Variants in ELAPOR2 observed in about 807,000 individuals in gnomAD.
ELAPOR2 encodes endosome/lysosome-associated apoptosis and autophagy regulator family member 2.
A neutral mutation model predicts 120.7 loss-of-function variants in ELAPOR2; 89 were observed. That is an observed-to-expected ratio of 0.74 (90% CI 0.62 to 0.88). The LOEUF (loss-of-function observed/expected upper bound fraction) is 0.88. Among genes scored for constraint, ELAPOR2 ranks in the 40% least tolerant of loss-of-function variants. The probability of loss-of-function intolerance (pLI) is 0.00; values close to 1 mark genes in which losing one functional copy is unlikely to be tolerated. For synonymous variants in ELAPOR2, 444 were observed against 444.9 expected, an observed-to-expected ratio of 1.00 and a Z score of 0.03; for missense variants, 1,134 against 1,251.6, an observed-to-expected ratio of 0.91 and a Z score of 1.42.
intron 1 of ELAPOR2, among the ~76,000 whole-genome samples, chr7:87,040,080 C>T (rs1437548293): frequency 7.9e-5 from 12 of 152,366 alleles, no homozygotes; most frequent in African/African-American, 2.6e-4. Context: ...AAACACGGCG[C>T]ACCACAAGAT....
chr7:86,959,356 T>A (rs992732185), intron 2 of ELAPOR2, among the ~76,000 whole-genome samples: 1 of 152,208 alleles, frequency 6.6e-6, no homozygotes, highest in Non-Finnish European at 1.5e-5. Flanking sequence ...TTCAGTATTA[T>A]GTTGAATAGA....
In ELAPOR2 at chr7:86,877,595, C is replaced by T. The variant is rs1184700810; in HGVS notation, c.*2876G>A. ...AGAGAGAAATTATGTACACATTAGC[C>T]TCCCATTAGAAATAACCATGTGCCA... is the stretch of plus-strand genomic sequence containing the variant. On this transcript the variant is annotated 3_prime_UTR_variant, in exon 22 of 22. Coordinates refer to ENST00000450689, the MANE Select transcript of ELAPOR2 (RefSeq NM_001142749.3). The T allele has an allele frequency of 6.6e-6, 1 of 152,032 alleles. No homozygotes were observed. The highest frequency in any genetic ancestry group is 1.5e-5 in the Non-Finnish European group (1 of 67,998). 9.4% of individuals were successfully genotyped at this position (152,032 alleles called of 1,614,324 possible).
At chr7:87,011,696 G>C (rs982747554) in intron 1 of ELAPOR2, among the ~76,000 whole-genome samples, 1 of 152,060 alleles carries the variant, frequency 6.6e-6, no homozygotes, top group East Asian at 1.9e-4. Context: ...GAAATGTGTT[G>C]GTGGGTCACT....
chr7:86,945,245 T>G (rs1012764704), intron 3 of ELAPOR2, among the ~76,000 whole-genome samples, 199 bp from the exon 4 acceptor site: 1 of 152,222 alleles, frequency 6.6e-6, no homozygotes, highest in African/African-American at 2.4e-5. Context: ...CGTAAATCTT[T>G]TTAAGGTTAT....
chr7:86,942,838 T>C (rs1305149852), intron 4 of ELAPOR2, among the ~76,000 whole-genome samples: 1 of 151,888 alleles, frequency 6.6e-6, no homozygotes, highest in Non-Finnish European at 1.5e-5. Flanking sequence ...CAGAGTAGAG[T>C]TAAAATAAGA....
At chr7:87,033,436 A>C (rs909928728) in intron 1 of ELAPOR2, among the ~76,000 whole-genome samples, 1 of 152,196 alleles carries the variant, frequency 6.6e-6, no homozygotes, top group African/African-American at 2.4e-5. Flanking sequence ...TCAACATATC[A>C]GGGAAAAATC....
At chr7:86,907,079 T>C (rs1789056915) in intron 18 of ELAPOR2, among the ~76,000 whole-genome samples, 2 of 152,146 alleles carry the variant, frequency 1.3e-5, no homozygotes, top group Non-Finnish European at 2.9e-5. Flanking sequence ...ATTATTCAGA[T>C]CTTCACTATA....
chr7:86,883,110 A>T (rs1042531076), intron 21 of ELAPOR2, among the ~76,000 whole-genome samples: 1 of 151,890 alleles, frequency 6.6e-6, no homozygotes, highest in Non-Finnish European at 1.5e-5. Context: ...CTGAGTTGAG[A>T]AATTGTGTCT....
At chr7:87,013,333 G>T (rs1793757835) in intron 1 of ELAPOR2, among the ~76,000 whole-genome samples, 1 of 151,770 alleles carries the variant, frequency 6.6e-6, no homozygotes, top group Admixed American at 6.6e-5. Context: ...AAATCAGAAG[G>T]GAAAATACTG....
intron 2 of ELAPOR2, among the ~76,000 whole-genome samples, chr7:86,949,923 C>G (rs1471578799): frequency 2.6e-5 from 4 of 152,232 alleles, no homozygotes; most frequent in Admixed American, 6.5e-5. Context: ...TCCCACAAAG[C>G]CCCACCTTCA....
chr7:87,003,669 T>C (rs142703134), intron 1 of ELAPOR2, among the ~76,000 whole-genome samples: 146 of 152,244 alleles, frequency 9.6e-4, no homozygotes, highest in African/African-American at 3.4e-3. Flanking sequence ...AGGTAGGTCT[T>C]TATAACAATG....
intron 1 of ELAPOR2, among the ~76,000 whole-genome samples, chr7:86,996,508 T>C (rs1255714168): frequency 6.6e-6 from 1 of 152,070 alleles, no homozygotes; most frequent in Non-Finnish European, 1.5e-5. Flanking sequence ...AAATGAGAAG[T>C]GGAGAGGCCA....
chr7:87,057,352 G>C (rs981042707), intron 1 of ELAPOR2, among the ~76,000 whole-genome samples: 12 of 152,170 alleles, frequency 7.9e-5, no homozygotes, highest in African/African-American at 2.7e-4. Flanking sequence ...ATATCAAACA[G>C]ATTCAACCCC....
At position 86,899,631 on chromosome 7, in the gene ELAPOR2, T is replaced by TA. The variant is rs1008619940; in HGVS notation, c.2559-2000dup. 8.0e-5 allele frequency among the ~76,000 whole-genome samples: 12 copies of TA among 149,608 alleles called. No individual in the cohort carries two copies. The South Asian group carries it at 8.4e-4, about 10-fold the overall frequency. ...CTAAGACACCCTAAGATATGAACAC[T>TA]AAAAAAAAAATCTACATGTCTAAAA... On this transcript the variant is annotated intron_variant, in intron 18 of 21. Coordinates refer to ENST00000450689, the MANE Select transcript of ELAPOR2 (RefSeq NM_001142749.3).
Position 86,881,652 on chromosome 7 carries a change from G to A in ELAPOR2, c.3031-1122C>T, listed in dbSNP as rs139196956. Among the ~76,000 whole-genome samples, 113 of 152,056 alleles carry A rather than the reference G, an allele frequency of 7.4e-4. 1 individual carries two copies. Among genetic ancestry groups the A allele is most frequent in the African/African-American group, 2.4e-3 (98 of 41,468 alleles). ...ATTACAGGCATGAGCCACTGCGCCC[G>A]ACCACCTAATTTTTATATTTCTTTG... On this transcript the variant is annotated intron_variant, in intron 21 of 21. Transcript: ENST00000450689.
In ELAPOR2 at chr7:86,965,048, C is replaced by G. The variant is rs527356236; in HGVS notation, c.190-24G>C. 3.7e-5 allele frequency: 58 copies of G among 1,551,256 alleles called. 1 individual carries two copies. Among genetic ancestry groups the G allele is most frequent in the Non-Finnish European group, 4.4e-5 (51 of 1,146,640 alleles). On this transcript the variant is annotated intron_variant, in intron 1 of 21. Coordinates refer to ENST00000450689, the MANE Select transcript of ELAPOR2 (RefSeq NM_001142749.3). ...TTCTGCAAACAATCACAAAAACAAG[C>G]CTTTGTTAGAGCCAGTTCTAACGGG...
intron 18 of ELAPOR2, among the ~76,000 whole-genome samples, chr7:86,900,047 C>A (rs1181640448): frequency 6.6e-6 from 1 of 152,018 alleles, no homozygotes; most frequent in East Asian, 1.9e-4. Flanking sequence ...TCCAAGAATA[C>A]AATTTCCTGA....
chr7:87,029,892 A>G (rs1041342742), intron 1 of ELAPOR2, among the ~76,000 whole-genome samples: 4 of 152,138 alleles, frequency 2.6e-5, no homozygotes, highest in Middle Eastern at 3.2e-3. Context: ...ACATTACAGT[A>G]TAAGAAAGCA....
chr7:86,938,754 C>A, intron 7 of ELAPOR2, 54 bp downstream of exon 7: 1 of 1,579,194 alleles, frequency 6.3e-7, no homozygotes, highest in South Asian at 1.1e-5. Flanking sequence ...TATAAATGTA[C>A]ACTTGACCAA....
Sources: allele counts gnomAD v4.1 joint callset (sites outside exome capture counted in the v4.1 genomes callset), GRCh38; gene constraint gnomAD v4.1.1; transcripts MANE v1.5; gene names NCBI Gene and HGNC (gene_info 2026-07-23, HGNC 2026-07-21).